TMEM135: variants seen among roughly 807,000 people sequenced by gnomAD.
TMEM135 encodes the protein peroxisomal membrane protein 52.
TMEM135 carries 30 observed loss-of-function variants against 60.3 expected under a neutral mutation model. That is an observed-to-expected ratio of 0.50 (90% CI 0.37 to 0.68). The LOEUF is 0.68. Ranked by LOEUF, TMEM135 falls within the 30% of genes least tolerant of loss-of-function variation. The pLI, the probability that TMEM135 is intolerant of heterozygous loss-of-function variation, is 0.00. For missense variants in TMEM135, 468 were observed against 548.8 expected, an observed-to-expected ratio of 0.85 and a Z score of 1.47; for synonymous variants, 190 against 186.7, an observed-to-expected ratio of 1.02 and a Z score of -0.14.
chr11:87,158,256 G>T (rs189036916), intron 5 of TMEM135, among the ~76,000 whole-genome samples: 5 of 152,096 alleles, frequency 3.3e-5, no homozygotes, highest in Admixed American at 6.5e-5. Flanking sequence ...AATTAAGTTT[G>T]ATGTTATTTA....
chr11:87,107,725 C>T (rs1367659315), intron 4 of TMEM135, among the ~76,000 whole-genome samples: 8 of 152,094 alleles, frequency 5.3e-5, no homozygotes, highest in African/African-American at 9.7e-5. Context: ...AATAAACATA[C>T]GTGTGCATGT....
At chr11:87,142,147 C>T (rs1373712305) in intron 4 of TMEM135, among the ~76,000 whole-genome samples, 2 of 152,166 alleles carry the variant, frequency 1.3e-5, no homozygotes, top group African/African-American at 4.8e-5. Context: ...GCATGGGCCA[C>T]AGGTGGTCTG....
intron 4 of TMEM135, among the ~76,000 whole-genome samples, chr11:87,142,466 A>C (rs1029760857): frequency 2.6e-5 from 4 of 152,186 alleles, no homozygotes; most frequent in African/African-American, 9.7e-5. Context: ...CATTTTTCAA[A>C]AATAGTTATT....
At chr11:87,150,476 G>A (rs886200132) in intron 4 of TMEM135, among the ~76,000 whole-genome samples, 2 of 152,114 alleles carry the variant, frequency 1.3e-5, no homozygotes, top group African/African-American at 2.4e-5. Context: ...CTCTGTGGTG[G>A]TGTAGGGATG....
At chr11:87,136,130 A>T (rs1049944440) in intron 4 of TMEM135, among the ~76,000 whole-genome samples, 3 of 151,958 alleles carry the variant, frequency 2.0e-5, no homozygotes, top group Non-Finnish European at 4.4e-5. Context: ...GATATGTTTC[A>T]TAGTATCCTC....
chr11:87,059,622 A>T (rs577647036), intron 1 of TMEM135, among the ~76,000 whole-genome samples: 1 of 152,248 alleles, frequency 6.6e-6, no homozygotes, highest in South Asian at 2.1e-4. Flanking sequence ...GGCCTTTCCC[A>T]GATACTCTGA....
At chr11:87,107,855 T>C (rs1857638683) in intron 4 of TMEM135, among the ~76,000 whole-genome samples, 1 of 152,208 alleles carries the variant, frequency 6.6e-6, no homozygotes, top group Non-Finnish European at 1.5e-5. Flanking sequence ...CCACAATGGT[T>C]GAACTAGTTT....
intron 5 of TMEM135, among the ~76,000 whole-genome samples, chr11:87,193,185 T>A (rs141136730): frequency 8.5e-5 from 13 of 152,184 alleles, no homozygotes; most frequent in African/African-American, 1.4e-4. Flanking sequence ...TAAGACTGAG[T>A]GATACACAGC....
intron 1 of TMEM135, among the ~76,000 whole-genome samples, chr11:87,066,683 G>A (rs1214787757): frequency 1.3e-5 from 2 of 150,378 alleles, no homozygotes; most frequent in South Asian, 2.1e-4. Flanking sequence ...TTATAAAACA[G>A]TCCTATGATA....
chr11:87,037,997 G>A lies in TMEM135; in HGVS notation c.-49G>A, dbSNP rs201980730. On this transcript the variant is annotated 5_prime_UTR_variant, in exon 1 of 15. Transcript: ENST00000305494. ...CGGCTGGGCTCTCGCGCCCCTCCCT[G>A]CAGGGCTCAGGCTCTCCCCCTCCTG... is the stretch of plus-strand genomic sequence containing the variant. 1.2e-4 allele frequency: 194 copies of A among 1,611,040 alleles called. 1 individual carries two copies. Among genetic ancestry groups the A allele is most frequent in the South Asian group, 6.8e-4 (62 of 91,060 alleles).
intron 3 of TMEM135, among the ~76,000 whole-genome samples, chr11:87,073,644 A>G (rs1856814199): frequency 6.6e-6 from 1 of 152,080 alleles, no homozygotes; most frequent in Admixed American, 6.6e-5. Context: ...GAAAATAATG[A>G]TAATCTATTT....
intron 5 of TMEM135, 147 bp downstream of exon 5, chr11:87,157,553 A>G (rs1938735798): frequency 3.1e-6 from 2 of 651,246 alleles, no homozygotes; most frequent in African/African-American, 1.8e-5. Context: ...TGATGAACAA[A>G]TCCATTTTAA....
At chr11:87,245,096 A>C in intron 6 of TMEM135, among the ~76,000 whole-genome samples, 1 of 132,124 alleles carries the variant, frequency 7.6e-6, no homozygotes, top group Non-Finnish European at 1.7e-5. Context: ...TTCTGCCTTC[A>C]TTTCGTTATG....
chr11:87,179,884 G>C (rs1277070096), intron 5 of TMEM135, among the ~76,000 whole-genome samples: 3 of 152,138 alleles, frequency 2.0e-5, no homozygotes, highest in Non-Finnish European at 4.4e-5. Context: ...GGAGGTTCAG[G>C]ATGCACTTCC....
intron 4 of TMEM135, among the ~76,000 whole-genome samples, chr11:87,145,287 C>G (rs958092195): frequency 1.3e-5 from 2 of 152,134 alleles, no homozygotes; most frequent in African/African-American, 4.8e-5. Context: ...GAATAGTATT[C>G]CATAGTGTAA....
chr11:87,132,171 A>C (rs1057378049), intron 4 of TMEM135, among the ~76,000 whole-genome samples: 8 of 152,060 alleles, frequency 5.3e-5, no homozygotes, highest in Admixed American at 5.2e-4. Context: ...TGCTTGAATC[A>C]TCCTAAAACT....
chr11:87,241,757 G>C (rs1270265667), intron 6 of TMEM135, among the ~76,000 whole-genome samples: 1 of 151,906 alleles, frequency 6.6e-6, no homozygotes, highest in Admixed American at 6.6e-5. Flanking sequence ...ATGAGGGAGA[G>C]AACATGTGAT....
chr11:87,047,340 G>A (rs560957146), intron 1 of TMEM135, among the ~76,000 whole-genome samples: 12 of 152,118 alleles, frequency 7.9e-5, no homozygotes, highest in East Asian at 1.9e-4. Flanking sequence ...GAACAGCTCC[G>A]GTCTACAGCT....
At position 87,321,403 on chromosome 11, in the gene TMEM135, A is replaced by G; in HGVS notation, c.*70A>G. The G allele has an allele frequency of 6.5e-7, 1 of 1,546,106 alleles. No individual in the cohort carries two copies. The highest frequency in any genetic ancestry group is 1.1e-5 in the South Asian group (1 of 89,708). On this transcript the variant is annotated 3_prime_UTR_variant, in exon 15 of 15. Coordinates refer to ENST00000305494, the MANE Select transcript of TMEM135 (RefSeq NM_022918.4). ...GAGTTAATTATGTTGAACACAAAGG[A>G]GGGGGCCCAAGCTCGAACTTCAGTG...
Sources: gnomAD v4.1 joint callset for allele counts (sites outside exome capture counted in the v4.1 genomes callset) on GRCh38, gnomAD v4.1.1 for gene constraint, MANE v1.5 for transcripts, NCBI Gene and HGNC (gene_info 2026-07-23, HGNC 2026-07-21) for gene names.